CNTN1: variants seen among roughly 807,000 people sequenced by gnomAD.
The protein encoded by CNTN1 is contactin-1.
In CNTN1, 38 loss-of-function variants were observed where a neutral mutation model predicts 126.4. The observed-to-expected ratio is 0.30, with a 90% CI of 0.23 to 0.39. The LOEUF is 0.39. Among genes scored for constraint, CNTN1 ranks in the 10% least tolerant of loss-of-function variants. The probability of loss-of-function intolerance (pLI) is 1.00; values close to 1 mark genes in which losing one functional copy is unlikely to be tolerated. For synonymous variants in CNTN1, 413 were observed against 422.6 expected (o/e 0.98, Z 0.28); for missense variants, 1,009 against 1,248.4 (o/e 0.81, Z 2.89).
At chr12:40,802,187 A>G (rs1028042409) in intron 1 of CNTN1, among the ~76,000 whole-genome samples, 8 of 151,980 alleles carry the variant, frequency 5.3e-5, no homozygotes, top group African/African-American at 1.9e-4. Flanking sequence ...TTAGGAAAAG[A>G]TATCTTGGTT....
At chr12:40,780,643 G>C (rs1939755428) in intron 1 of CNTN1, among the ~76,000 whole-genome samples, 1 of 144,004 alleles carries the variant, frequency 6.9e-6, no homozygotes. Flanking sequence ...TTGAGGACAG[G>C]AGTTTGAGGC....
chr12:40,936,085 G>T (rs1286366853), intron 9 of CNTN1, among the ~76,000 whole-genome samples: 1 of 151,810 alleles, frequency 6.6e-6, no homozygotes, highest in Non-Finnish European at 1.5e-5. Flanking sequence ...CTGTCAAATT[G>T]TTTATTTGCT....
At chr12:40,789,776 T>C (rs1408899221) in intron 1 of CNTN1, among the ~76,000 whole-genome samples, 4 of 152,200 alleles carry the variant, frequency 2.6e-5, no homozygotes, top group African/African-American at 9.6e-5. Flanking sequence ...ATTATTTTAA[T>C]GCTATACTTT....
chr12:40,723,722 A>G (rs946630805), intron 1 of CNTN1, among the ~76,000 whole-genome samples: 3 of 152,214 alleles, frequency 2.0e-5, no homozygotes, highest in African/African-American at 7.2e-5. Flanking sequence ...ATATATGGCA[A>G]TGGGTGATAT....
Position 40,993,262 on chromosome 12 carries a change from C to T in CNTN1, c.2106C>T (p.Asp702=), listed in dbSNP as rs147943881. 121 of 1,613,198 alleles carry T rather than the reference C, an allele frequency of 7.5e-5. No individual in the cohort carries two copies. Among genetic ancestry groups the T allele is most frequent in the Middle Eastern group, 1.6e-4 (1 of 6,082 alleles). ...PSIPSNRIKT[D]GAAPNVAPSD... ...TACCATCTAACAGAATTAAAACAGA[C>T]GGTGCTGGTATGTATATACAAGAAA... Residue 702 remains aspartate (D), a synonymous_variant, in exon 17 of 24, where the codon GAC becomes GAT. Transcript: ENST00000551295.
chr12:40,836,743 T>G (rs1360972362), intron 1 of CNTN1, among the ~76,000 whole-genome samples: 1 of 152,172 alleles, frequency 6.6e-6, no homozygotes, highest in East Asian at 1.9e-4. Context: ...GACTGTAAAC[T>G]TCAGATGTTC....
intron 1 of CNTN1, among the ~76,000 whole-genome samples, chr12:40,793,612 A>G (rs1940302426): frequency 6.6e-6 from 1 of 152,110 alleles, no homozygotes; most frequent in Non-Finnish European, 1.5e-5. Context: ...TTACTCTAGC[A>G]TTCTTCAAAG....
intron 1 of CNTN1, among the ~76,000 whole-genome samples, chr12:40,756,177 A>G (rs1938603574): frequency 6.6e-6 from 1 of 152,052 alleles, no homozygotes; most frequent in Non-Finnish European, 1.5e-5. Flanking sequence ...ATTTAAGCCA[A>G]ATAAGGAAAA....
chr12:40,739,193 G>A (rs1426886115), intron 1 of CNTN1, among the ~76,000 whole-genome samples: 1 of 152,016 alleles, frequency 6.6e-6, no homozygotes, highest in Admixed American at 6.6e-5. Context: ...AGAAATCTAT[G>A]AGCATATTAA....
At chr12:40,707,281 C>A (rs1941791965) in intron 1 of CNTN1, among the ~76,000 whole-genome samples, 1 of 129,022 alleles carries the variant, frequency 7.8e-6, no homozygotes. Flanking sequence ...CGGAGTCTCG[C>A]TCCATCGCCC....
chr12:41,013,706 G>A (rs76347907), intron 17 of CNTN1, among the ~76,000 whole-genome samples: 366 of 152,246 alleles, frequency 2.4e-3, no homozygotes, highest in African/African-American at 8.6e-3. Context: ...TAAGAGAACG[G>A]GGGAGAGAGT....
At chr12:40,859,106 A>C (rs1213018454) in intron 1 of CNTN1, among the ~76,000 whole-genome samples, 1 of 152,118 alleles carries the variant, frequency 6.6e-6, no homozygotes, top group East Asian at 1.9e-4. Context: ...ACAGACCTGC[A>C]CGTCCTACAC....
intron 6 of CNTN1, among the ~76,000 whole-genome samples, chr12:40,925,461 TG>T (rs1945609677): frequency 6.6e-6 from 1 of 151,112 alleles, no homozygotes; most frequent in Non-Finnish European, 1.5e-5. Flanking sequence ...ATCAATCTGA[TG>T]TGTGTGTATG....
At position 40,765,450 on chromosome 12, in the gene CNTN1, G is replaced by A. The variant is rs180962369; in HGVS notation, c.-77+72858G>A. Among the ~76,000 whole-genome samples the A allele has an allele frequency of 5.8e-4, 89 of 152,280 alleles. No individual in the cohort carries two copies. In the South Asian group the frequency reaches 8.9e-3, roughly 15 times the overall value. Reference sequence around the variant, plus strand: ...ATCACCTGGACAGAGCATTTAGCTAGAGAAGAGTCCTAATGTATTTCAACT... The same window carrying A: ...ATCACCTGGACAGAGCATTTAGCTAAAGAAGAGTCCTAATGTATTTCAACT... On this transcript the variant is annotated intron_variant, in intron 1 of 23. Transcript: ENST00000551295.
intron 1 of CNTN1, among the ~76,000 whole-genome samples, chr12:40,895,525 G>C (rs1488233491): frequency 6.6e-6 from 1 of 152,012 alleles, no homozygotes; most frequent in African/African-American, 2.4e-5. Context: ...GCGTGTGCTC[G>C]GGTGTTTGCT....
chr12:41,045,577 A>G (rs1046012793), intron 23 of CNTN1, among the ~76,000 whole-genome samples: 8 of 152,164 alleles, frequency 5.3e-5, no homozygotes, highest in African/African-American at 1.7e-4. Flanking sequence ...GGAAAGTGAT[A>G]TGTCAACATA....
At chr12:40,855,626 A>T (rs1942879340) in intron 1 of CNTN1, among the ~76,000 whole-genome samples, 1 of 152,248 alleles carries the variant, frequency 6.6e-6, no homozygotes, top group East Asian at 1.9e-4. Flanking sequence ...GTTGTCAATA[A>T]AATTTTTATT....
intron 14 of CNTN1, among the ~76,000 whole-genome samples, chr12:40,949,741 T>G (rs1329995440): frequency 1.3e-5 from 2 of 151,106 alleles, no homozygotes; most frequent in Admixed American, 6.6e-5. Context: ...CACCTGACCA[T>G]TTTTTTGTAT....
chr12:40,752,645 A>C (rs1160905403), intron 1 of CNTN1, among the ~76,000 whole-genome samples: 1 of 152,088 alleles, frequency 6.6e-6, no homozygotes, highest in Admixed American at 6.6e-5. Flanking sequence ...TATTGTTTAT[A>C]ATTCTAATCT....
Sources: allele counts gnomAD v4.1 joint callset (sites outside exome capture counted in the v4.1 genomes callset), GRCh38; gene constraint gnomAD v4.1.1; transcripts MANE v1.5; gene names NCBI Gene and HGNC (gene_info 2026-07-23, HGNC 2026-07-21).